Variants in POU2F2 observed in about 807,000 individuals in gnomAD.
The protein encoded by POU2F2 is POU class 2 homeobox 2, also known as POU domain, class 2, transcription factor 2.
POU2F2 carries 14 observed loss-of-function variants against 63.5 expected under a neutral mutation model. That is an observed-to-expected ratio of 0.22 (90% CI 0.15 to 0.34). The LOEUF is 0.34. Among genes scored for constraint, POU2F2 ranks in the 10% least tolerant of loss-of-function variants. POU2F2 has a pLI of 1.00. For missense variants in POU2F2, 607 were observed against 815.2 expected, an observed-to-expected ratio of 0.74 and a Z score of 3.11; for synonymous variants, 306 against 348.6, an observed-to-expected ratio of 0.88 and a Z score of 1.36.
intron 1 of POU2F2, among the ~76,000 whole-genome samples, chr19:42,181,275 A>G (rs2034957505): frequency 6.6e-6 from 1 of 152,244 alleles, no homozygotes; most frequent in Non-Finnish European, 1.5e-5. Flanking sequence ...CATACACTGT[A>G]CACAACACAG....
At chr19:42,154,539 C>T (rs1026761308) in intron 2 of POU2F2, among the ~76,000 whole-genome samples, 1 of 151,544 alleles carries the variant, frequency 6.6e-6, no homozygotes, top group African/African-American at 2.4e-5. Context: ...AGAGAGAAGA[C>T]GCAGATAAAG....
intron 1 of POU2F2, among the ~76,000 whole-genome samples, chr19:42,189,560 A>G (rs1213322332): frequency 6.6e-6 from 1 of 152,128 alleles, no homozygotes; most frequent in Non-Finnish European, 1.5e-5. Context: ...TCTAATAAAT[A>G]TCTTTCTTGC....
rs367568723 is a variant in POU2F2 at position 42,095,977 on chromosome 19, C to G, written c.730-48G>C. The G allele has an allele frequency of 1.2e-5, 20 of 1,602,430 alleles. No homozygotes were observed. The highest frequency in any genetic ancestry group is 1.7e-5 in the Non-Finnish European group (20 of 1,174,176). ...GGCCCGAAGTCAGGGTGGGGCCTTC[C>G]GGCACTGGGCCCGCTCCGCCCGCCC... On this transcript the variant is annotated intron_variant, in intron 8 of 14. Transcript: ENST00000692977. The surrounding 1 kb of genome is among the most constrained non-coding windows in gnomAD (Gnocchi z 7.1).
At position 42,092,123 on chromosome 19, in the gene POU2F2, C is replaced by T. The variant is rs760711464; in HGVS notation, c.1412G>A (p.Ser471Asn). The T allele has an allele frequency of 6.6e-7, 1 of 1,520,258 alleles. No individual in the cohort carries two copies. Among genetic ancestry groups the T allele is most frequent in the Non-Finnish European group, 8.9e-7 (1 of 1,128,958 alleles). 94.2% of individuals were successfully genotyped at this position (1,520,258 alleles called of 1,614,324 possible). Reference sequence around the variant, plus strand: ...GATAGCCGAGTGGCTGCCTTGAGGGCTGGGGTTTGTGCTGTTGGTGGTGGC... The same window carrying T: ...GATAGCCGAGTGGCTGCCTTGAGGGTTGGGGTTTGTGCTGTTGGTGGTGGC... ...PPATTNSTNP[S>N]PQGSHSAIGL... is the part of the protein sequence containing the mutation. The change falls in exon 13 of 15, where the codon AGC becomes AAC. Residue 471 changes from serine (S) to asparagine (N), a missense_variant. Physicochemically the swap from Ser to Asn is conservative, Grantham distance 46 (BLOSUM62 1). Transcript: ENST00000692977. The surrounding 1 kb of genome is among the most constrained non-coding windows in gnomAD (Gnocchi z 5.0).
chr19:42,169,209 ACCACGTGT>A lies in POU2F2; in HGVS notation c.-70+6746_-70+6753del, dbSNP rs2034709217. Among the ~76,000 whole-genome samples, 1 of 152,228 alleles carries A rather than the reference ACCACGTGT, an allele frequency of 6.6e-6. No individual in the cohort carries two copies. Among genetic ancestry groups the A allele is most frequent in the African/African-American group, 2.4e-5 (1 of 41,452 alleles). On this transcript the variant is annotated intron_variant, in intron 1 of 6. Transcript: ENST00000524801. This position sits in a 1 kb window ranked among gnomAD's most constrained non-coding sequence, Gnocchi z 4.3. ...AACTCAGGGCATGGCCCTTTCGGTC[ACCACGTGT>A]GGCCTCCCTGTGGGATTTCTGAATG...
At chr19:42,113,191 CT>C (rs2031373335) in intron 5 of POU2F2, among the ~76,000 whole-genome samples, 1 of 152,174 alleles carries the variant, frequency 6.6e-6, no homozygotes. Flanking sequence ...ATTTTCCCCC[CT>C]ACTCTCCAAT....
rs1338623787 is a variant in POU2F2 at position 42,096,251 on chromosome 19, G to C, written c.568-8C>G. On this transcript the variant is annotated splice_region_variant and splice_polypyrimidine_tract_variant and intron_variant, in intron 7 of 14. Transcript: ENST00000692977. This position sits in a 1 kb window ranked among gnomAD's most constrained non-coding sequence, Gnocchi z 4.1. The stretch of plus-strand genomic sequence containing the variant: ...CGTAGGGCGGGTCACGGCCTGGTGG[G>C]GTGGGCAGGTGGGTGGGATGCAGGG... 1 of 1,551,304 alleles carries C rather than the reference G, an allele frequency of 6.4e-7. No individual in the cohort carries two copies. The highest frequency in any genetic ancestry group is 1.9e-5 in the Admixed American group (1 of 52,854).
rs1254754477 is a variant in POU2F2, at chr19:42,117,145, G to A, written c.369+105C>T. 1 of 957,372 alleles carries A rather than the reference G, an allele frequency of 1.0e-6. No individual in the cohort carries two copies. Among genetic ancestry groups the A allele is most frequent in the African/African-American group, 1.7e-5 (1 of 58,610 alleles). 59.3% of individuals were successfully genotyped at this position (957,372 alleles called of 1,614,324 possible). A position where few individuals can be genotyped will look rare whatever the true frequency, so the allele number is the denominator to read the frequency against. ...ACAGAAGAGGGCAAGAGGCAGGTGT[G>A]AGAGAGTGGCCATGGCCTTGGTGGA... On this transcript the variant is annotated intron_variant, in intron 5 of 14. Transcript: ENST00000692977. This position sits in a 1 kb window ranked among gnomAD's most constrained non-coding sequence, Gnocchi z 4.4.
intron 1 of POU2F2, among the ~76,000 whole-genome samples, chr19:42,185,363 T>C (rs1599729654): frequency 1.3e-5 from 2 of 152,116 alleles, no homozygotes; most frequent in Admixed American, 6.5e-5. Flanking sequence ...ACTGGGGTAA[T>C]GTTTCTACAA....
At position 42,096,878 on chromosome 19, in the gene POU2F2, C is replaced by T. The variant is rs373004123; in HGVS notation, c.568-635G>A. ...GATGTAGATGATGCAGGAAGCTGTG[C>T]ATGTGTAGGGGCAGAGATAGATGGG... On this transcript the variant is annotated intron_variant, in intron 7 of 14. Transcript: ENST00000692977. The surrounding 1 kb of genome is among the most constrained non-coding windows in gnomAD (Gnocchi z 4.1). 1.3e-5 allele frequency among the ~76,000 whole-genome samples: 2 copies of T among 152,206 alleles called. No homozygotes were observed. Among genetic ancestry groups the T allele is most frequent in the East Asian group, 3.9e-4 (2 of 5,190 alleles).
intron 1 of POU2F2, among the ~76,000 whole-genome samples, chr19:42,182,193 G>T (rs1468641908): frequency 6.6e-6 from 1 of 151,316 alleles, no homozygotes; most frequent in East Asian, 1.9e-4. Context: ...AGTAAGCCAA[G>T]ATTGTTCCAC....
At chr19:42,167,450 TC>T (rs1459804643) in intron 1 of POU2F2, among the ~76,000 whole-genome samples, 4 of 134,114 alleles carry the variant, frequency 3.0e-5, no homozygotes, top group African/African-American at 1.2e-4. Flanking sequence ...CAACACTCTG[TC>T]CCCCCAAACT....
chr19:42,140,855 G>A (rs1599653272), intron 2 of POU2F2, among the ~76,000 whole-genome samples: 2 of 152,248 alleles, frequency 1.3e-5, no homozygotes, highest in Non-Finnish European at 2.9e-5. Context: ...GGCACCCATG[G>A]TCCACAGAAT....
intron 2 of POU2F2, among the ~76,000 whole-genome samples, chr19:42,159,356 C>T (rs1321199020): frequency 6.6e-6 from 1 of 152,152 alleles, no homozygotes; most frequent in Non-Finnish European, 1.5e-5. Context: ...GTTGCAAACC[C>T]TGGGCTACAG....
chr19:42,116,513 C>T (rs2031882903), intron 5 of POU2F2, among the ~76,000 whole-genome samples: 1 of 152,104 alleles, frequency 6.6e-6, no homozygotes, highest in South Asian at 2.1e-4. Flanking sequence ...GATATTCCTC[C>T]CTGTGAGCCT....
At chr19:42,140,472 C>T (rs1201498983) in intron 2 of POU2F2, among the ~76,000 whole-genome samples, 1 of 152,184 alleles carries the variant, frequency 6.6e-6, no homozygotes, top group African/African-American at 2.4e-5. Context: ...ACAGGAGTAC[C>T]ACACCTCAGC....
At chr19:42,116,883 GGCGGCGGCGGCAGCGGCGTTAGCGGCA>G (rs1304486982) in intron 5 of POU2F2, 8 of 465,758 alleles carry the variant, frequency 1.7e-5, no homozygotes, top group East Asian at 6.2e-5. Flanking sequence ...CGGAGGCGGC[GGCGGCGGCGGCAGCGGCGTTAGCGGCA>G]GCGGCGGCAC....
intron 1 of POU2F2, among the ~76,000 whole-genome samples, chr19:42,130,213 A>C (rs1441262070): frequency 6.6e-6 from 1 of 152,158 alleles, no homozygotes; most frequent in African/African-American, 2.4e-5. Context: ...ATGTGTACGC[A>C]CACATGTACT....
In POU2F2 at chr19:42,117,258, G is replaced by C; in HGVS notation, c.361C>G (p.Leu121Val). Residue 121 changes from leucine (L) to valine (V), a missense_variant, in exon 5 of 15, where the codon CTA (leucine) becomes GTA (valine). Coordinates refer to ENST00000692977, the MANE Select transcript of POU2F2 (RefSeq NM_001394376.1). This position sits in a 1 kb window ranked among gnomAD's most constrained non-coding sequence, Gnocchi z 4.4. ...CTTCCCCAAGTACTTACCCCAGCTAGCTGGCTGCCCGTCAACATGAGTTGG... is the reference window on the plus strand; with the variant it reads ...CTTCCCCAAGTACTTACCCCAGCTACCTGGCTGCCCGTCAACATGAGTTGG... ...QAQLMLTGSQLAGDIQQLLQL... is the reference protein window; with the variant it reads ...QAQLMLTGSQVAGDIQQLLQL... 1 of 1,479,486 alleles carries C rather than the reference G, an allele frequency of 6.8e-7. No individual in the cohort carries two copies. The highest frequency in any genetic ancestry group is 8.9e-7 in the Non-Finnish European group (1 of 1,121,068). 91.6% of individuals were successfully genotyped at this position (1,479,486 alleles called of 1,614,324 possible).
Sources: allele counts gnomAD v4.1 joint callset (sites outside exome capture counted in the v4.1 genomes callset), GRCh38; gene constraint gnomAD v4.1.1; non-coding constraint Gnocchi (gnomAD v3.1); transcripts MANE v1.5; gene names NCBI Gene and HGNC (gene_info 2026-07-23, HGNC 2026-07-21).